Variants in LIFR observed in about 807,000 individuals in gnomAD.
The protein encoded by LIFR is LIF receptor subunit alpha, also known as leukemia inhibitory factor receptor.
A neutral mutation model predicts 122.2 loss-of-function variants in LIFR; 84 were observed. The ratio of observed to expected loss-of-function variants is 0.69; its 90% CI spans 0.58 to 0.82. The LOEUF is 0.82. Ranked by LOEUF, LIFR falls within the 40% of genes least tolerant of loss-of-function variation. LIFR has a pLI of 0.00. For missense variants in LIFR, 1,294 were observed against 1,311.6 expected, an observed-to-expected ratio of 0.99 and a Z score of 0.21; for synonymous variants, 422 against 434.7, an observed-to-expected ratio of 0.97 and a Z score of 0.36.
intron 7 of LIFR, 26 bp from the exon 8 acceptor site, chr5:38,506,658 T>C (rs1371391248): frequency 1.3e-6 from 2 of 1,585,132 alleles, no homozygotes; most frequent in East Asian, 2.2e-5. Context: ...TGCAGGTACT[T>C]ATGATTACAT....
intron 1 of LIFR, among the ~76,000 whole-genome samples, chr5:38,535,518 G>A (rs1747251173): frequency 6.6e-6 from 1 of 152,176 alleles, no homozygotes; most frequent in Non-Finnish European, 1.5e-5. Context: ...CCATGACAAT[G>A]TTAGAGCTGA....
intron 1 of LIFR, among the ~76,000 whole-genome samples, chr5:38,569,557 C>T (rs1022351520): frequency 1.3e-5 from 2 of 152,108 alleles, no homozygotes; most frequent in Non-Finnish European, 2.9e-5. Flanking sequence ...ATCTAATGCC[C>T]GATGTGATCT....
chr5:38,500,474 CA>C (rs1361909838), intron 11 of LIFR, among the ~76,000 whole-genome samples: 1 of 152,228 alleles, frequency 6.6e-6, no homozygotes, highest in East Asian at 1.9e-4. Context: ...CTTATACACA[CA>C]GCCTGAAGGT....
chr5:38,560,159 T>C (rs545997203), upstream of LIFR, among the ~76,000 whole-genome samples: 11 of 151,702 alleles, frequency 7.3e-5, no homozygotes, highest in African/African-American at 2.7e-4. Flanking sequence ...GTTCCTGGAA[T>C]AAATTTTGGA....
intron 12 of LIFR, among the ~76,000 whole-genome samples, chr5:38,497,769 T>C (rs1218699010): frequency 6.6e-6 from 1 of 152,194 alleles, no homozygotes; most frequent in East Asian, 1.9e-4. Flanking sequence ...TTTTCCATAA[T>C]ATATGCTAAT....
chr5:38,553,673 T>TATATA (rs56694984), intron 1 of LIFR, among the ~76,000 whole-genome samples: 1 of 103,066 alleles, frequency 9.7e-6, no homozygotes. Context: ...TATATATATA[T>TATATA]TATATGTATG....
At chr5:38,587,518 A>G (rs2112755037) in intron 1 of LIFR, among the ~76,000 whole-genome samples, 1 of 151,986 alleles carries the variant, frequency 6.6e-6, no homozygotes, top group South Asian at 2.1e-4. Flanking sequence ...GAGCTAACAG[A>G]ACTAGCAAGA....
rs1745065343 is a variant in LIFR at position 38,499,521 on chromosome 5, A to G, written c.1663T>C (p.Tyr555His). The change falls in exon 12 of 20, where the codon TAT (tyrosine) becomes CAT (histidine). Residue 555 changes from tyrosine to histidine, a missense_variant. Transcript: ENST00000453190. ...AAAAATTAGATATTTACCTTCCAAT[A>G]GATTATTAAATTTTTTCCATCAGAA... ...WSSDGKNLII[Y>H]WKPLPINEAN... 1.9e-6 allele frequency: 3 copies of G among 1,591,590 alleles called. No individual in the cohort carries two copies. Among genetic ancestry groups the G allele is most frequent in the Non-Finnish European group, 2.6e-6 (3 of 1,159,570 alleles).
At chr5:38,521,074 C>T (rs749220390) in intron 5 of LIFR, among the ~76,000 whole-genome samples, 61 of 152,186 alleles carry the variant, frequency 4.0e-4, no homozygotes, top group Non-Finnish European at 6.5e-4. Flanking sequence ...AATCTGTAAG[C>T]ATGGAATGTC....
At position 38,484,766 on chromosome 5, in the gene LIFR, A is replaced by T. The variant is rs1377247241; in HGVS notation, c.2591+9T>A. ...AAGAAAACAGCAAGAGTAAATGCAG[A>T]ACTATTACCATTCTCGTTTCCGATA... On this transcript the variant is annotated intron_variant, in intron 18 of 19. Coordinates refer to ENST00000453190, the MANE Select transcript of LIFR (RefSeq NM_001127671.2). 2 of 1,577,738 alleles carry T rather than the reference A, an allele frequency of 1.3e-6. No homozygotes were observed. The highest frequency in any genetic ancestry group is 3.3e-5 in the Admixed American group (2 of 59,942).
At chr5:38,543,955 CT>C (rs1463138232) in intron 1 of LIFR, among the ~76,000 whole-genome samples, 1 of 152,064 alleles carries the variant, frequency 6.6e-6, no homozygotes, top group Non-Finnish European at 1.5e-5. Flanking sequence ...TGTTCTTCCC[CT>C]AACCTACACC....
intron 1 of LIFR, among the ~76,000 whole-genome samples, chr5:38,548,956 G>A (rs1037191608): frequency 8.5e-5 from 13 of 152,066 alleles, no homozygotes; most frequent in Non-Finnish European, 1.6e-4. Context: ...AGATCAGTGA[G>A]ATCAAGGTAA....
intron 2 of LIFR, among the ~76,000 whole-genome samples, chr5:38,605,433 T>C: frequency 6.6e-6 from 1 of 151,910 alleles, no homozygotes; most frequent in East Asian, 1.9e-4. Context: ...AAATGGGGGG[T>C]GATAATCACA....
At chr5:38,524,873 C>T (rs1202640684) in intron 4 of LIFR, among the ~76,000 whole-genome samples, 1 of 152,110 alleles carries the variant, frequency 6.6e-6, no homozygotes, top group Non-Finnish European at 1.5e-5. Context: ...AGAAGGAAAC[C>T]AGAGAAAATC....
intron 1 of LIFR, among the ~76,000 whole-genome samples, chr5:38,533,685 T>C (rs1747141835): frequency 1.3e-5 from 2 of 152,288 alleles, no homozygotes; most frequent in South Asian, 4.1e-4. Flanking sequence ...CCAACCCCTC[T>C]CTATATACAT....
chr5:38,557,586 A>G (rs1748654519), upstream of LIFR: 1 of 154,774 alleles, frequency 6.5e-6, no homozygotes. Context: ...TGTTTGTTTC[A>G]TCTGTGATTT....
At chr5:38,485,686 T>G in intron 17 of LIFR, 133 bp downstream of exon 17, 2 of 955,660 alleles carry the variant, frequency 2.1e-6, no homozygotes, top group Non-Finnish European at 1.7e-6. Context: ...CCCTTCCCTC[T>G]ACCAGCCAAA....
chr5:38,483,422 T>C (rs912213071), intron 18 of LIFR, among the ~76,000 whole-genome samples: 2 of 152,022 alleles, frequency 1.3e-5, no homozygotes, highest in Non-Finnish European at 2.9e-5. Flanking sequence ...TGGGTTTTTT[T>C]TGTTTTTTTG....
At chr5:38,512,008 T>C (rs768049438) in intron 5 of LIFR, 44 bp from the exon 6 acceptor site, 3 of 1,583,988 alleles carry the variant, frequency 1.9e-6, no homozygotes, top group Admixed American at 1.7e-5. Flanking sequence ...CAAGTAGCAA[T>C]ATGTTTTGCT....
Sources: gnomAD v4.1 joint callset for allele counts (sites outside exome capture counted in the v4.1 genomes callset) on GRCh38, gnomAD v4.1.1 for gene constraint, MANE v1.5 for transcripts, NCBI Gene and HGNC (gene_info 2026-07-23, HGNC 2026-07-21) for gene names.